The following TNR variants were observed in gnomAD, a reference collection of about 807,000 sequenced individuals.
The protein encoded by TNR is tenascin-R.
Under a neutral mutation model 150.4 loss-of-function variants are expected in TNR, and 45 were observed. The ratio of observed to expected loss-of-function variants is 0.30; its 90% CI spans 0.24 to 0.38. The LOEUF (loss-of-function observed/expected upper bound fraction) is 0.38. Ranked by LOEUF, TNR falls within the 10% of genes least tolerant of loss-of-function variation. The pLI is 1.00. For synonymous variants in TNR, 687 were observed against 678.4 expected, an observed-to-expected ratio of 1.01 and a Z score of -0.20; for missense variants, 1,544 against 1,759.1, an observed-to-expected ratio of 0.88 and a Z score of 2.19.
In TNR at chr1:175,531,001, C is replaced by A. The variant is rs537795683; in HGVS notation, c.-164-2632G>T. The stretch of plus-strand genomic sequence containing the variant: ...GGATACAGCCACCACCTGCAAGAAG[C>A]TCCTGTCTTTGAGGGAGAGGGACAT... On this transcript the variant is annotated intron_variant, in intron 1 of 22. Coordinates refer to ENST00000367674, the MANE Select transcript of TNR (RefSeq NM_003285.3). Among the ~76,000 whole-genome samples, 253 of 152,340 alleles carry A rather than the reference C, an allele frequency of 1.7e-3. 1 individual carries two copies. The highest frequency in any genetic ancestry group is 4.4e-3 in the Admixed American group (67 of 15,308).
chr1:175,682,107 G>A (rs1666053095), intron 1 of TNR, among the ~76,000 whole-genome samples: 1 of 152,172 alleles, frequency 6.6e-6, no homozygotes, highest in African/African-American at 2.4e-5. Context: ...AAAAATGCAG[G>A]CATCCAGTAT....
intron 1 of TNR, among the ~76,000 whole-genome samples, chr1:175,568,545 C>T (rs1661735079): frequency 6.6e-6 from 1 of 152,186 alleles, no homozygotes; most frequent in Admixed American, 6.5e-5. Flanking sequence ...TGCCTCTTTG[C>T]ACTATGTGCT....
intron 1 of TNR, among the ~76,000 whole-genome samples, chr1:175,601,897 T>A (rs1324561475): frequency 6.6e-6 from 1 of 152,056 alleles, no homozygotes; most frequent in Non-Finnish European, 1.5e-5. Flanking sequence ...AAAACACACA[T>A]GAACAATTTA....
chr1:175,719,354 C>A (rs76748730), intron 1 of TNR, among the ~76,000 whole-genome samples: 7,519 of 152,222 alleles, frequency 0.049, 295 homozygotes, highest in East Asian at 0.22. Flanking sequence ...GCAGCACCCC[C>A]ATTGAAAAGT....
intron 15 of TNR, 70 bp downstream of exon 15, chr1:175,359,542 A>T (rs549394965): frequency 6.2e-7 from 1 of 1,610,306 alleles, no homozygotes; most frequent in Non-Finnish European, 8.5e-7. Flanking sequence ...GTTTATTCAC[A>T]TCATACTGGT....
At chr1:175,696,418 T>C (rs1666528026) in intron 1 of TNR, among the ~76,000 whole-genome samples, 1 of 152,042 alleles carries the variant, frequency 6.6e-6, no homozygotes, top group Non-Finnish European at 1.5e-5. Flanking sequence ...GCCAGTCCTC[T>C]GGACTGAAGA....
At chr1:175,567,789 C>G (rs972261747) in intron 1 of TNR, among the ~76,000 whole-genome samples, 1 of 152,100 alleles carries the variant, frequency 6.6e-6, no homozygotes, top group Non-Finnish European at 1.5e-5. Context: ...ACTCCTTGAT[C>G]ATTCTAGGAA....
At position 175,534,544 on chromosome 1, in the gene TNR, G is replaced by A. The variant is rs190337074; in HGVS notation, c.-164-6175C>T. Among the ~76,000 whole-genome samples, 73 of 152,252 alleles carry A rather than the reference G, an allele frequency of 4.8e-4. 1 individual carries two copies. Among genetic ancestry groups the A allele is most frequent in the Non-Finnish European group, 6.9e-4 (47 of 68,012 alleles). ...CCAAGTGCATCAGGGCTCTGACCCC[G>A]GTATCTGGCAGGTTCTAAGTGGTGT... is the stretch of plus-strand genomic sequence containing the variant. On this transcript the variant is annotated intron_variant, in intron 1 of 22. Transcript: ENST00000367674.
intron 3 of TNR, among the ~76,000 whole-genome samples, chr1:175,405,490 G>A (rs1653903180): frequency 6.6e-6 from 1 of 152,174 alleles, no homozygotes; most frequent in Non-Finnish European, 1.5e-5. Context: ...TAATTAGGGG[G>A]TGGGCAATGT....
At chr1:175,396,505 G>T (rs1653431354) in intron 5 of TNR, 39 bp downstream of exon 5, 6 of 1,596,920 alleles carry the variant, frequency 3.8e-6, no homozygotes, top group African/African-American at 1.3e-5. Context: ...TCATGTAGGA[G>T]AAAAGAAAAA....
At chr1:175,484,642 G>T (rs1347278742) in intron 2 of TNR, among the ~76,000 whole-genome samples, 1 of 151,764 alleles carries the variant, frequency 6.6e-6, no homozygotes, top group Non-Finnish European at 1.5e-5. Context: ...TTCATGTTTG[G>T]CTTTTTGCTC....
intron 1 of TNR, among the ~76,000 whole-genome samples, chr1:175,632,921 T>C (rs1348562960): frequency 6.6e-6 from 1 of 152,186 alleles, no homozygotes; most frequent in Non-Finnish European, 1.5e-5. Context: ...GGTTATGATG[T>C]CTCTTCCCCT....
chr1:175,385,110 A>C (rs1346827835), intron 8 of TNR, among the ~76,000 whole-genome samples: 2 of 152,174 alleles, frequency 1.3e-5, no homozygotes, highest in Non-Finnish European at 2.9e-5. Context: ...CCCTGGGTCA[A>C]CTTGGAGTTG....
At chr1:175,426,507 G>A (rs762373264) in intron 2 of TNR, among the ~76,000 whole-genome samples, 5 of 152,080 alleles carry the variant, frequency 3.3e-5, no homozygotes, top group Non-Finnish European at 5.9e-5. Flanking sequence ...AAGTTTCCAC[G>A]GGCAGAACTT....
chr1:175,348,850 A>G (rs1650920256), intron 18 of TNR, among the ~76,000 whole-genome samples: 1 of 152,242 alleles, frequency 6.6e-6, no homozygotes, highest in Non-Finnish European at 1.5e-5. Flanking sequence ...GCAAAGAAAG[A>G]CTTCTTAAGA....
chr1:175,586,179 A>G (rs1662561566), intron 1 of TNR, among the ~76,000 whole-genome samples: 1 of 152,172 alleles, frequency 6.6e-6, no homozygotes, highest in African/African-American at 2.4e-5. Flanking sequence ...ATGTCATCTA[A>G]AAGAGGTTGA....
chr1:175,723,131 T>C (rs1370588807), intron 1 of TNR, among the ~76,000 whole-genome samples: 1 of 151,346 alleles, frequency 6.6e-6, no homozygotes, highest in African/African-American at 2.4e-5. Flanking sequence ...TAATATTACA[T>C]GATTGGATAG....
intron 2 of TNR, among the ~76,000 whole-genome samples, chr1:175,507,821 G>A (rs1385752583): frequency 6.6e-6 from 1 of 152,238 alleles, no homozygotes; most frequent in African/African-American, 2.4e-5. Context: ...GTGACAAGGA[G>A]GGGCTGTTTG....
intron 19 of TNR, among the ~76,000 whole-genome samples, chr1:175,336,260 A>T (rs74126978): frequency 0.018 from 2,688 of 152,356 alleles, 88 homozygotes; most frequent in African/African-American, 0.062. Context: ...AATATTGCAT[A>T]TCATTCACTT....
Sources: gnomAD v4.1 joint callset for allele counts (sites outside exome capture counted in the v4.1 genomes callset) on GRCh38, gnomAD v4.1.1 for gene constraint, MANE v1.5 for transcripts, NCBI Gene and HGNC (gene_info 2026-07-23, HGNC 2026-07-21) for gene names.